The following PPA2 variants were observed in gnomAD, a reference collection of about 807,000 sequenced individuals.
The protein encoded by PPA2 is inorganic pyrophosphatase 2, also known as inorganic pyrophosphatase 2, mitochondrial.
Under a neutral mutation model 49.5 loss-of-function variants are expected in PPA2, and 48 were observed. The ratio of observed to expected loss-of-function variants is 0.97; its 90% CI spans 0.77 to 1.23. The LOEUF (loss-of-function observed/expected upper bound fraction) is 1.23. Ranked by LOEUF, PPA2 falls within the 50% of genes most tolerant of loss-of-function variation. The pLI, the probability that PPA2 is intolerant of heterozygous loss-of-function variation, is 0.00. For synonymous variants in PPA2, 131 were observed against 139.9 expected (o/e 0.94, Z 0.45); for missense variants, 429 against 410.1 (o/e 1.05, Z -0.40).
chr4:105,420,442 C>G (rs1344336098), intron 7 of PPA2, among the ~76,000 whole-genome samples: 1 of 152,128 alleles, frequency 6.6e-6, no homozygotes, highest in African/African-American at 2.4e-5. Context: ...ACAATAAAAA[C>G]GTATAGGAAA....
intron 1 of PPA2, among the ~76,000 whole-genome samples, chr4:105,464,834 A>G (rs1223660975): frequency 6.6e-6 from 1 of 152,166 alleles, no homozygotes; most frequent in African/African-American, 2.4e-5. Context: ...TTTGTAAATC[A>G]CCCAGTCTCA....
intron 7 of PPA2, among the ~76,000 whole-genome samples, chr4:105,400,361 C>T (rs1261502115): frequency 6.6e-6 from 1 of 152,048 alleles, no homozygotes; most frequent in Admixed American, 6.6e-5. Flanking sequence ...AAATAATTTT[C>T]TAGGCCAGGT....
intron 1 of PPA2, among the ~76,000 whole-genome samples, chr4:105,465,836 A>G (rs78088400): frequency 6.6e-5 from 10 of 151,992 alleles, no homozygotes; most frequent in African/African-American, 2.4e-4. Flanking sequence ...CAATTCTTAG[A>G]TTTTTTTCTA....
Position 105,369,330 on chromosome 4 carries a change from T to G in PPA2, c.*395A>C, listed in dbSNP as rs112068329. The stretch of plus-strand genomic sequence containing the variant: ...ACCTCTGCCTCCTGGGCTCAAGCAG[T>G]TCTTCTGCCTCAGCCTCCTGAGTAG... On this transcript the variant is annotated 3_prime_UTR_variant, in exon 12 of 12. Transcript: ENST00000341695. The G allele has an allele frequency of 0.12, 19,016 of 156,582 alleles. 1,224 individuals are homozygous for G. Among genetic ancestry groups the G allele is most frequent in the African/African-American group, 0.15 (6,121 of 41,472 alleles). The allele number at this position is 156,582 out of a possible 1,614,324, so 9.7% of individuals were successfully genotyped here.
chr4:105,404,769 C>T (rs1301098289), intron 7 of PPA2, among the ~76,000 whole-genome samples: 2 of 152,156 alleles, frequency 1.3e-5, no homozygotes, highest in East Asian at 1.9e-4. Flanking sequence ...AATAGCTTTA[C>T]AAGCTTTTAT....
At chr4:105,411,383 C>T (rs1292198619) in intron 7 of PPA2, among the ~76,000 whole-genome samples, 2 of 152,100 alleles carry the variant, frequency 1.3e-5, no homozygotes, top group Non-Finnish European at 2.9e-5. Context: ...TATATGCACC[C>T]AGTACAGGAG....
Position 105,369,772 on chromosome 4 carries a change from A to G in PPA2, c.977-19T>C. On this transcript the variant is annotated intron_variant, in intron 11 of 11. Transcript: ENST00000341695. ...ACTTGCTCTGCATTTAAAATGGGGAAAGAGGGTATTAGGGAAGGGATAAGA... is the reference window on the plus strand; with the variant it reads ...ACTTGCTCTGCATTTAAAATGGGGAGAGAGGGTATTAGGGAAGGGATAAGA... 1 of 1,573,294 alleles carries G rather than the reference A, an allele frequency of 6.4e-7. No individual in the cohort carries two copies. The highest frequency in any genetic ancestry group is 8.7e-7 in the Non-Finnish European group (1 of 1,142,962).
chr4:105,456,352 G>A (rs987789003), intron 2 of PPA2: 24 of 431,088 alleles, frequency 5.6e-5, no homozygotes, highest in Admixed American at 3.1e-5. Context: ...ATAGTGGCTA[G>A]CAAATAAAAA....
At chr4:105,377,277 G>A (rs1033599823) in intron 10 of PPA2, among the ~76,000 whole-genome samples, 6 of 152,174 alleles carry the variant, frequency 3.9e-5, no homozygotes, top group African/African-American at 1.4e-4. Context: ...CTCTTTGATC[G>A]ATTTAACTCA....
chr4:105,375,676 T>G (rs1329274164), intron 10 of PPA2, among the ~76,000 whole-genome samples: 1 of 152,152 alleles, frequency 6.6e-6, no homozygotes, highest in Non-Finnish European at 1.5e-5. Context: ...AGATTAGTTC[T>G]GAGCTGACTC....
chr4:105,436,640 G>C (rs552077491), intron 6 of PPA2, among the ~76,000 whole-genome samples: 1 of 152,040 alleles, frequency 6.6e-6, no homozygotes, highest in Admixed American at 6.6e-5. Context: ...TAGATCAATG[G>C]AACAAAACAC....
intron 7 of PPA2, chr4:105,399,550 T>C (rs1264849612): frequency 6.4e-6 from 1 of 156,886 alleles, no homozygotes; most frequent in Non-Finnish European, 1.4e-5. Flanking sequence ...GAAGCAATGG[T>C]AATGTCATAG....
Position 105,388,456 on chromosome 4 carries a change from T to C in PPA2, c.870-1820A>G, listed in dbSNP as rs1733768314. Among the ~76,000 whole-genome samples, 7 of 152,244 alleles carry C rather than the reference T, an allele frequency of 4.6e-5. No homozygotes were observed. In the South Asian group the frequency reaches 1.4e-3, roughly 32 times the overall value. ...TAAAAAAATTTAAAAATATCTCTGA[T>C]AAAATGTCTTGACAAGTAACCAGTA... On this transcript the variant is annotated intron_variant, in intron 9 of 11. Transcript: ENST00000341695.
At chr4:105,435,677 A>G (rs1724021755) in intron 6 of PPA2, among the ~76,000 whole-genome samples, 1 of 152,212 alleles carries the variant, frequency 6.6e-6, no homozygotes, top group Non-Finnish European at 1.5e-5. Context: ...AATGGGATTC[A>G]CCACATAAAG....
rs781655422 is a variant in PPA2, at chr4:105,453,615, G to A, written c.250C>T (p.Arg84Ter). Residue 84 changes from arginine (R) to a stop codon, truncating the protein, a stop_gained, in exon 3 of 12, where the codon CGA becomes TGA. Transcript: ENST00000341695. LOFTEE classifies it high-confidence loss of function. ...EENGIPMKKA[R>*]NDEYENLFNM... Reference sequence around the variant, plus strand: ...GGATATACCTCATATTCATCATTTCGTGCTTTCTTCATAGGAATGCCATTT... The same window carrying A: ...GGATATACCTCATATTCATCATTTCATGCTTTCTTCATAGGAATGCCATTT... 7.5e-6 allele frequency: 12 copies of A among 1,605,042 alleles called. No homozygotes were observed. The highest frequency in any genetic ancestry group is 2.2e-5 in the East Asian group (1 of 44,698).
intron 7 of PPA2, among the ~76,000 whole-genome samples, chr4:105,415,468 G>A (rs1200557565): frequency 6.6e-6 from 1 of 152,228 alleles, no homozygotes; most frequent in Non-Finnish European, 1.5e-5. Flanking sequence ...CAGCACCCAG[G>A]ATCGGCCTCG....
intron 10 of PPA2, among the ~76,000 whole-genome samples, chr4:105,371,471 A>G (rs1733024966): frequency 1.3e-5 from 2 of 152,216 alleles, no homozygotes; most frequent in Admixed American, 6.5e-5. Flanking sequence ...TTAAAGAATC[A>G]TTAGAATTTA....
intron 6 of PPA2, among the ~76,000 whole-genome samples, chr4:105,432,430 A>G (rs1723852370): frequency 2.0e-5 from 3 of 152,240 alleles, no homozygotes; most frequent in Non-Finnish European, 4.4e-5. Context: ...TTAAATCAAG[A>G]CTTTAATCAA....
chr4:105,473,477 T>C (rs564588561), intron 1 of PPA2: 3 of 412,384 alleles, frequency 7.3e-6, no homozygotes, highest in East Asian at 1.5e-4. Flanking sequence ...CTTACGCCTC[T>C]AGGAAGGCCG....
Sources: gnomAD v4.1 joint callset for allele counts (sites outside exome capture counted in the v4.1 genomes callset) on GRCh38, gnomAD v4.1.1 for gene constraint, MANE v1.5 for transcripts, NCBI Gene and HGNC (gene_info 2026-07-23, HGNC 2026-07-21) for gene names.